The following PIGK variants were observed in gnomAD, a reference collection of about 807,000 sequenced individuals.
PIGK encodes phosphatidylinositol glycan anchor biosynthesis class K.
PIGK carries 42 observed loss-of-function variants against 50.6 expected under a neutral mutation model. The ratio of observed to expected loss-of-function variants is 0.83; its 90% CI spans 0.65 to 1.07. The LOEUF (loss-of-function observed/expected upper bound fraction) is 1.07. PIGK is among the 50% of genes least tolerant of loss of function. PIGK has a pLI of 0.00. For synonymous variants in PIGK, 151 were observed against 156.0 expected, an observed-to-expected ratio of 0.97 and a Z score of 0.24; for missense variants, 448 against 488.7, an observed-to-expected ratio of 0.92 and a Z score of 0.78.
Position 77,161,657 on chromosome 1 carries a change from T to C in PIGK, c.639A>G (p.Glu213=), listed in dbSNP as rs2100555784. 6.3e-7 allele frequency: 1 copy of C among 1,592,282 alleles called. No homozygotes were observed. Among genetic ancestry groups the C allele is most frequent in the Non-Finnish European group, 8.6e-7 (1 of 1,160,202 alleles). The stretch of plus-strand genomic sequence containing the variant: ...CCATTATGTTAGGAGAATAAAATCG[T>C]TCATACATGGATGCTCCTTGGCAAG... ...IDTCQGASMY[E]RFYSPNIMAL... The change falls in exon 7 of 11, where the codon GAA becomes GAG. Residue 213 remains glutamate (E), a synonymous_variant. Coordinates refer to ENST00000370812, the MANE Select transcript of PIGK (RefSeq NM_005482.3).
Position 77,166,834 on chromosome 1 carries a change from A to AG in PIGK, c.376-5dup. 7.3e-7 allele frequency: 1 copy of AG among 1,376,778 alleles called. No individual in the cohort carries two copies. Among genetic ancestry groups the AG allele is most frequent in the Non-Finnish European group, 1.0e-6 (1 of 979,668 alleles). 85.3% of individuals were successfully genotyped at this position (1,376,778 alleles called of 1,614,324 possible). On this transcript the variant is annotated splice_polypyrimidine_tract_variant and splice_region_variant and intron_variant, in intron 4 of 10. Transcript: ENST00000370812. Reference sequence around the variant, plus strand: ...GTAAAAAATTCTCCACAGTTACCTAAGGGGGAAAAAACAAGAAAAATCAGA... The same window carrying AG: ...GTAAAAAATTCTCCACAGTTACCTAAGGGGGGAAAAAACAAGAAAAATCAGA...
chr1:77,215,445 T>C (rs907849162), intron 1 of PIGK, among the ~76,000 whole-genome samples: 3 of 152,040 alleles, frequency 2.0e-5, no homozygotes, highest in South Asian at 2.1e-4. Context: ...CAAAAGGGAA[T>C]TGGGAATTCT....
At chr1:77,211,106 C>T (rs1046974222) in intron 1 of PIGK, among the ~76,000 whole-genome samples, 1 of 151,958 alleles carries the variant, frequency 6.6e-6, no homozygotes, top group Non-Finnish European at 1.5e-5. Flanking sequence ...TTATCATCTT[C>T]TTACATTATA....
chr1:77,142,748 G>A (rs1235559742), intron 9 of PIGK, among the ~76,000 whole-genome samples: 1 of 152,002 alleles, frequency 6.6e-6, no homozygotes, highest in Non-Finnish European at 1.5e-5. Flanking sequence ...CACAAGAATG[G>A]CATGGGGGAA....
At chr1:77,175,537 G>A (rs766421466) in intron 3 of PIGK, among the ~76,000 whole-genome samples, 14 of 152,006 alleles carry the variant, frequency 9.2e-5, no homozygotes, top group Non-Finnish European at 1.6e-4. Flanking sequence ...TTACATGCAA[G>A]GTGTATAAGG....
intron 9 of PIGK, among the ~76,000 whole-genome samples, chr1:77,143,676 T>C (rs1654707036): frequency 1.3e-5 from 2 of 152,086 alleles, no homozygotes; most frequent in African/African-American, 4.8e-5. Context: ...TTTAAAAATA[T>C]TAGACAGTTC....
chr1:77,189,776 C>CAG (rs1557819033), intron 3 of PIGK, among the ~76,000 whole-genome samples: 1 of 137,436 alleles, frequency 7.3e-6, no homozygotes, highest in Non-Finnish European at 1.5e-5. Context: ...CACACACACA[C>CAG]AGATATACAG....
intron 3 of PIGK, among the ~76,000 whole-genome samples, chr1:77,186,362 C>T (rs918217533): frequency 6.6e-6 from 1 of 152,252 alleles, no homozygotes; most frequent in Non-Finnish European, 1.5e-5. Flanking sequence ...GTGGGCAGAA[C>T]TTCGAGCAGT....
intron 10 of PIGK, among the ~76,000 whole-genome samples, chr1:77,101,580 A>G (rs995993265): frequency 1.3e-5 from 2 of 152,216 alleles, no homozygotes; most frequent in Non-Finnish European, 2.9e-5. Context: ...AAAATACTCA[A>G]ATATAAACAT....
At position 77,212,723 on chromosome 1, in the gene PIGK, C is replaced by T. The variant is rs184457569; in HGVS notation, c.94-2234G>A. Among the ~76,000 whole-genome samples, 333 of 152,210 alleles carry T rather than the reference C, an allele frequency of 2.2e-3. 7 individuals carry two copies. The highest frequency in any genetic ancestry group is 0.02 in the Admixed American group (311 of 15,286). ...TAAAAAAGAGACAAAGGTCACTATA[C>T]AACGATAAAGGAATCAATTCAGCAA... is the stretch of plus-strand genomic sequence containing the variant. On this transcript the variant is annotated intron_variant, in intron 1 of 10. Coordinates refer to ENST00000370812, the MANE Select transcript of PIGK (RefSeq NM_005482.3).
intron 9 of PIGK, 26 bp downstream of exon 9, chr1:77,154,423 T>C: frequency 6.5e-7 from 1 of 1,545,298 alleles, no homozygotes; most frequent in South Asian, 1.1e-5. Flanking sequence ...TAGTATTCTA[T>C]TCAAATAATG....
chr1:77,145,853 C>T (rs1654755753), intron 9 of PIGK, among the ~76,000 whole-genome samples: 6 of 151,990 alleles, frequency 3.9e-5, no homozygotes, highest in Admixed American at 3.9e-4. Context: ...AGAAATATTA[C>T]AATGCAACAA....
intron 1 of PIGK, among the ~76,000 whole-genome samples, chr1:77,214,674 T>G (rs1219530341): frequency 6.6e-6 from 1 of 151,972 alleles, no homozygotes; most frequent in African/African-American, 2.4e-5. Flanking sequence ...GAGAAAGAAA[T>G]AAAAGGCATC....
At chr1:77,203,634 T>C (rs1656221529) in intron 3 of PIGK, among the ~76,000 whole-genome samples, 1 of 152,178 alleles carries the variant, frequency 6.6e-6, no homozygotes, top group Non-Finnish European at 1.5e-5. Flanking sequence ...AATATCATAC[T>C]AACATTTTCT....
chr1:77,144,818 ATAAAT>A (rs1333091316), intron 9 of PIGK, among the ~76,000 whole-genome samples: 1 of 151,996 alleles, frequency 6.6e-6, no homozygotes, highest in Non-Finnish European at 1.5e-5. Context: ...TGGTGCCTTT[ATAAAT>A]TAAACGAATC....
In PIGK at chr1:77,169,971, G is replaced by A. The variant is rs185844429; in HGVS notation, c.240-576C>T. On this transcript the variant is annotated intron_variant, in intron 3 of 10. Transcript: ENST00000370812. Reference sequence around the variant, plus strand: ...CCTCCAAGCCAATCACTCCTCACAAGATCCACAAATCCACTCCATTTCCCT... The same window carrying A: ...CCTCCAAGCCAATCACTCCTCACAAAATCCACAAATCCACTCCATTTCCCT... Among the ~76,000 whole-genome samples, 5 of 152,114 alleles carry A rather than the reference G, an allele frequency of 3.3e-5. No individual in the cohort carries two copies. In the East Asian group the frequency reaches 9.7e-4, roughly 30 times the overall value.
chr1:77,174,357 A>AC (rs1655432623), intron 3 of PIGK, among the ~76,000 whole-genome samples: 2 of 152,208 alleles, frequency 1.3e-5, no homozygotes, highest in Non-Finnish European at 2.9e-5. Flanking sequence ...CAGAGGAGGC[A>AC]CCACACACCG....
intron 3 of PIGK, chr1:77,194,966 G>A (rs1655996907): frequency 3.2e-6 from 2 of 618,514 alleles, no homozygotes; most frequent in Non-Finnish European, 6.1e-6. Context: ...GCTTAAGTGT[G>A]GAGCAGAGGA....
chr1:77,109,954 T>A (rs1167365084), intron 10 of PIGK, among the ~76,000 whole-genome samples: 1 of 152,192 alleles, frequency 6.6e-6, no homozygotes, highest in Non-Finnish European at 1.5e-5. Flanking sequence ...CAAGCATTCT[T>A]ACACACCAAT....
Sources: allele counts gnomAD v4.1 joint callset (sites outside exome capture counted in the v4.1 genomes callset), GRCh38; gene constraint gnomAD v4.1.1; transcripts MANE v1.5; gene names NCBI Gene and HGNC (gene_info 2026-07-23, HGNC 2026-07-21).